The following GPHN variants were observed in gnomAD, a reference collection of about 807,000 sequenced individuals.
The protein encoded by GPHN is gephyrin.
Under a neutral mutation model 95.5 loss-of-function variants are expected in GPHN, and 17 were observed. That is an observed-to-expected ratio of 0.18 (90% CI 0.12 to 0.27). The LOEUF is 0.27. GPHN is among the 10% of genes least tolerant of loss of function. The probability of loss-of-function intolerance (pLI) is 1.00; values close to 1 mark genes in which losing one functional copy is unlikely to be tolerated. For missense variants in GPHN, 660 were observed against 978.1 expected (o/e 0.67, Z 4.34); for synonymous variants, 320 against 322.5 (o/e 0.99, Z 0.08).
chr14:67,287,058 A>G, the GPHN span, among the ~76,000 whole-genome samples: 1 of 152,080 alleles, frequency 6.6e-6, no homozygotes, highest in Non-Finnish European at 1.5e-5. Flanking sequence ...TCTACAAAAA[A>G]TACAAAAAAA....
At chr14:67,275,429 T>C in the GPHN span, among the ~76,000 whole-genome samples, 2 of 152,210 alleles carry the variant, frequency 1.3e-5, no homozygotes, top group African/African-American at 4.8e-5. Context: ...CGTTTATTGA[T>C]TTGCGTATGT....
At chr14:67,294,434 TC>T in the GPHN span, 1 of 151,464 alleles carries the variant, frequency 6.6e-6, no homozygotes, top group African/African-American at 2.4e-5. Context: ...CCAATCCAAC[TC>T]CCCTGTTTCA....
At chr14:67,675,146 A>G in the GPHN span, among the ~76,000 whole-genome samples, 2 of 152,134 alleles carry the variant, frequency 1.3e-5, no homozygotes, top group African/African-American at 4.8e-5. Context: ...TAGCCGGGCC[A>G]GGGGCTCTGC....
the GPHN span, among the ~76,000 whole-genome samples, chr14:67,492,341 T>C: frequency 6.6e-6 from 1 of 152,226 alleles, no homozygotes; most frequent in South Asian, 2.1e-4. Flanking sequence ...CTGCCTCACC[T>C]TGCCTTCATC....
At chr14:67,545,439 C>A in the GPHN span, among the ~76,000 whole-genome samples, 1 of 151,572 alleles carries the variant, frequency 6.6e-6, no homozygotes, top group Admixed American at 6.6e-5. Flanking sequence ...GGAGGGATAA[C>A]AAATAGAAAC....
At chr14:66,582,783 A>G (rs1300254280) in intron 1 of GPHN, among the ~76,000 whole-genome samples, 1 of 152,088 alleles carries the variant, frequency 6.6e-6, no homozygotes, top group African/African-American at 2.4e-5. Flanking sequence ...CCAGTCTATC[A>G]TTGTTGGATA....
chr14:67,325,287 T>C, the GPHN span, among the ~76,000 whole-genome samples: 1 of 152,196 alleles, frequency 6.6e-6, no homozygotes, highest in East Asian at 1.9e-4. Flanking sequence ...TTTCACTCTA[T>C]GTCTACTTAA....
intron 11 of GPHN, among the ~76,000 whole-genome samples, chr14:67,074,861 G>A (rs2076435471): frequency 6.6e-6 from 1 of 152,158 alleles, no homozygotes; most frequent in Admixed American, 6.6e-5. Context: ...GCCAGCAGAG[G>A]TTGGCTTATG....
At chr14:67,241,206 A>G in the GPHN span, 1 of 152,232 alleles carries the variant, frequency 6.6e-6, no homozygotes, top group Admixed American at 6.5e-5. Context: ...GGGATTGGGC[A>G]AGCCGCGCCA....
intron 2 of GPHN, among the ~76,000 whole-genome samples, chr14:66,710,163 G>A (rs897098863): frequency 2.0e-5 from 3 of 151,940 alleles, no homozygotes; most frequent in Non-Finnish European, 2.9e-5. Flanking sequence ...AATCACCCTG[G>A]GTTCTTAGTT....
At chr14:67,087,916 A>G (rs183352756) in intron 11 of GPHN, among the ~76,000 whole-genome samples, 25 of 152,076 alleles carry the variant, frequency 1.6e-4, no homozygotes, top group Admixed American at 1.6e-3. Context: ...TTTTTAAATT[A>G]GCAATAAAGA....
rs766401236 is a variant in GPHN, at chr14:66,779,006, A to G, written c.201+2485A>G. Among the ~76,000 whole-genome samples, 43 of 152,152 alleles carry G rather than the reference A, an allele frequency of 2.8e-4. No homozygotes were observed. The Middle Eastern group carries it at 0.014, about 48-fold the overall frequency. On this transcript the variant is annotated intron_variant, in intron 3 of 22. Transcript: ENST00000478722. ...TGATCCATCTGCCTCGGCCTCCCAA[A>G]GTGCTGGGATTAAGGCATGAGCCAC... is the stretch of plus-strand genomic sequence containing the variant.
At chr14:67,606,832 G>A in the GPHN span, among the ~76,000 whole-genome samples, 1 of 152,128 alleles carries the variant, frequency 6.6e-6, no homozygotes, top group African/African-American at 2.4e-5. Context: ...ATTTTTAGTA[G>A]AGATGGAGTT....
At chr14:67,625,720 C>A in the GPHN span, among the ~76,000 whole-genome samples, 6 of 125,878 alleles carry the variant, frequency 4.8e-5, no homozygotes, top group South Asian at 2.9e-4. Flanking sequence ...AAGACTTCAT[C>A]AATGTAATGA....
chr14:67,173,937 C>G (rs551936412), intron 21 of GPHN, among the ~76,000 whole-genome samples: 19 of 151,906 alleles, frequency 1.3e-4, no homozygotes, highest in Non-Finnish European at 8.8e-5. Flanking sequence ...GCTTCAATAA[C>G]AGACTTTGTC....
the GPHN span, among the ~76,000 whole-genome samples, chr14:67,634,430 C>CAA: frequency 8.4e-4 from 96 of 114,470 alleles, no homozygotes; most frequent in African/African-American, 1.5e-3. Flanking sequence ...CTATCTCTAC[C>CAA]AAAAAAAAAA....
At chr14:67,689,164 T>C in the GPHN span, among the ~76,000 whole-genome samples, 46 of 152,314 alleles carry the variant, frequency 3.0e-4, 1 homozygote, top group African/African-American at 1.1e-3. Flanking sequence ...CCTAAACTGA[T>C]AAAAGATGTC....
intron 9 of GPHN, among the ~76,000 whole-genome samples, chr14:66,993,476 T>G (rs1041747517): frequency 4.6e-5 from 7 of 152,334 alleles, no homozygotes; most frequent in Middle Eastern, 6.8e-3. Context: ...CATTACGTCT[T>G]AACAAAGATA....
intron 1 of GPHN, among the ~76,000 whole-genome samples, chr14:66,523,097 G>A (rs866107307): frequency 5.9e-5 from 9 of 151,884 alleles, no homozygotes; most frequent in South Asian, 4.2e-4. Flanking sequence ...TATTAGTGAC[G>A]GCAAAATTAT....
Sources: gnomAD v4.1 joint callset for allele counts (sites outside exome capture counted in the v4.1 genomes callset) on GRCh38, gnomAD v4.1.1 for gene constraint, MANE v1.5 for transcripts, NCBI Gene and HGNC (gene_info 2026-07-23, HGNC 2026-07-21) for gene names.